PTPRR: variants seen among roughly 807,000 people sequenced by gnomAD.
PTPRR encodes protein tyrosine phosphatase receptor type R.
PTPRR carries 38 observed loss-of-function variants against 77.2 expected under a neutral mutation model. That is an observed-to-expected ratio of 0.49 (90% CI 0.38 to 0.65). PTPRR has a LOEUF of 0.65. Ranked by LOEUF, PTPRR falls within the 30% of genes least tolerant of loss-of-function variation. The pLI is 0.00. For synonymous variants in PTPRR, 299 were observed against 283.1 expected (o/e 1.06, Z -0.57); for missense variants, 744 against 799.2 (o/e 0.93, Z 0.83).
At chr12:70,871,687 C>T (rs1892961563) in intron 2 of PTPRR, among the ~76,000 whole-genome samples, 1 of 151,992 alleles carries the variant, frequency 6.6e-6, no homozygotes, top group Non-Finnish European at 1.5e-5. Context: ...AGAGATATAC[C>T]ATCACATGAT....
intron 2 of PTPRR, among the ~76,000 whole-genome samples, chr12:70,871,506 A>G (rs550274943): frequency 7.2e-5 from 11 of 152,300 alleles, no homozygotes; most frequent in Middle Eastern, 3.4e-3. Context: ...TCATTCCCTT[A>G]GGACAAGGGT....
chr12:70,746,196 A>C, intron 5 of PTPRR, 110 bp from the exon 6 acceptor site: 1 of 994,250 alleles, frequency 1.0e-6, no homozygotes, highest in Non-Finnish European at 1.5e-6. Flanking sequence ...CTTAACGATA[A>C]AGTAAACAAA....
At chr12:70,764,936 C>T (rs1890780148) in intron 2 of PTPRR, among the ~76,000 whole-genome samples, 158 bp from the exon 3 acceptor site, 1 of 152,140 alleles carries the variant, frequency 6.6e-6, no homozygotes, top group Non-Finnish European at 1.5e-5. Context: ...ACTAATAATG[C>T]TTTATTGCAT....
At chr12:70,700,260 C>A (rs143939452) in intron 7 of PTPRR, among the ~76,000 whole-genome samples, 7 of 152,178 alleles carry the variant, frequency 4.6e-5, no homozygotes, top group Non-Finnish European at 1.0e-4. Context: ...TCAACCAATA[C>A]GGCTTAAGAT....
At chr12:70,788,836 T>C (rs559577780) in intron 2 of PTPRR, 3 of 1,525,270 alleles carry the variant, frequency 2.0e-6, no homozygotes, top group African/African-American at 2.8e-5. Context: ...ATTGACTGCA[T>C]GTTGTGATGA....
At chr12:70,667,835 C>T (rs1887067245) in intron 10 of PTPRR, among the ~76,000 whole-genome samples, 9 of 151,932 alleles carry the variant, frequency 5.9e-5, no homozygotes, top group Admixed American at 5.9e-4. Context: ...CCTTCTCTGA[C>T]CTTGTTTGGA....
intron 2 of PTPRR, among the ~76,000 whole-genome samples, chr12:70,775,026 T>C (rs1023750000): frequency 6.6e-6 from 1 of 152,214 alleles, no homozygotes; most frequent in South Asian, 2.1e-4. Context: ...ACCCATTTGG[T>C]CATTTTTAAC....
At chr12:70,828,210 G>A (rs907752) in intron 2 of PTPRR, among the ~76,000 whole-genome samples, 47,118 of 152,008 alleles carry the variant, frequency 0.31, 10,764 homozygotes, top group African/African-American at 0.65. Context: ...CCCTTTAGTA[G>A]TTAAACACAG....
chr12:70,765,743 G>C (rs929359150), intron 2 of PTPRR, among the ~76,000 whole-genome samples: 1 of 152,030 alleles, frequency 6.6e-6, no homozygotes, highest in African/African-American at 2.4e-5. Context: ...CCCTGAGCAG[G>C]CTAACTGGGA....
At chr12:70,735,218 A>T (rs891719494) in intron 6 of PTPRR, among the ~76,000 whole-genome samples, 1 of 152,210 alleles carries the variant, frequency 6.6e-6, no homozygotes, top group Non-Finnish European at 1.5e-5. Context: ...AATATTTTAT[A>T]AAAATGTTAG....
chr12:70,842,421 C>G (rs1892412558), intron 2 of PTPRR, among the ~76,000 whole-genome samples: 1 of 152,172 alleles, frequency 6.6e-6, no homozygotes, highest in Non-Finnish European at 1.5e-5. Context: ...GAAGTTACCA[C>G]AAAATAGGTG....
At chr12:70,821,213 C>CTTTGTTTTTTTTTTTTTTTTTTTT (rs1892003172) in intron 2 of PTPRR, among the ~76,000 whole-genome samples, 1 of 31,972 alleles carries the variant, frequency 3.1e-5, no homozygotes, top group Non-Finnish European at 6.1e-5. Flanking sequence ...GGGATCACTG[C>CTTTGTTTTTTTTTTTTTTTTTTTT]TTTTTTTTTT....
chr12:70,717,107 A>G lies in PTPRR; in HGVS notation c.1008-15784T>C, dbSNP rs537098486. On this transcript the variant is annotated intron_variant, in intron 6 of 13. Transcript: ENST00000283228. ...TTTCTCTAACATACTATTCTTCCTCAGGTATTGTTTTATGAGTTAATTCAT... is the reference window on the plus strand; with the variant it reads ...TTTCTCTAACATACTATTCTTCCTCGGGTATTGTTTTATGAGTTAATTCAT... Among the ~76,000 whole-genome samples the G allele has an allele frequency of 2.0e-5, 3 of 152,328 alleles. No homozygotes were observed. In the East Asian group the frequency reaches 5.8e-4, roughly 29 times the overall value.
At chr12:70,656,072 G>T (rs2136662704) in intron 13 of PTPRR, among the ~76,000 whole-genome samples, 1 of 151,986 alleles carries the variant, frequency 6.6e-6, no homozygotes. Flanking sequence ...ACAAAAATTA[G>T]CCATGTGTAG....
At chr12:70,676,465 T>C (rs1887450632) in intron 10 of PTPRR, among the ~76,000 whole-genome samples, 1 of 152,058 alleles carries the variant, frequency 6.6e-6, no homozygotes, top group Admixed American at 6.5e-5. Flanking sequence ...TTTATGTGAA[T>C]CTATTTAATT....
intron 4 of PTPRR, 66 bp downstream of exon 4, chr12:70,761,405 G>T: frequency 7.3e-7 from 1 of 1,369,344 alleles, no homozygotes; most frequent in South Asian, 1.8e-5. Flanking sequence ...AGCCTCTTGG[G>T]GTTGAATTAC....
chr12:70,723,254 A>C (rs1889322421), intron 6 of PTPRR, among the ~76,000 whole-genome samples: 3 of 152,188 alleles, frequency 2.0e-5, no homozygotes, highest in Admixed American at 1.3e-4. Flanking sequence ...TACAGATAAG[A>C]GACTTGGAAA....
chr12:70,796,082 C>G (rs538618236), intron 2 of PTPRR, among the ~76,000 whole-genome samples: 68 of 151,822 alleles, frequency 4.5e-4, no homozygotes, highest in African/African-American at 1.6e-3. Flanking sequence ...TGCCATGAAG[C>G]CCGACTAATC....
intron 2 of PTPRR, among the ~76,000 whole-genome samples, chr12:70,838,602 G>A (rs192478440): frequency 5.9e-5 from 9 of 152,178 alleles, no homozygotes; most frequent in South Asian, 4.2e-4. Flanking sequence ...AGAATATGGC[G>A]GAGGCATATA....
Sources: allele counts gnomAD v4.1 joint callset (sites outside exome capture counted in the v4.1 genomes callset), GRCh38; gene constraint gnomAD v4.1.1; transcripts MANE v1.5; gene names NCBI Gene and HGNC (gene_info 2026-07-23, HGNC 2026-07-21).